Variants in MAST4 observed in about 807,000 individuals in gnomAD.
MAST4 encodes the protein microtubule associated serine/threonine kinase family member 4.
A neutral mutation model predicts 162.7 loss-of-function variants in MAST4; 89 were observed. That is an observed-to-expected ratio of 0.55 (90% CI 0.46 to 0.65). MAST4 has a LOEUF of 0.65. Among genes scored for constraint, MAST4 ranks in the 30% least tolerant of loss-of-function variants. MAST4 has a pLI of 0.00. For synonymous variants in MAST4, 1,479 were observed against 1,361.1 expected (o/e 1.09, Z -1.91); for missense variants, 3,153 against 3,374.0 (o/e 0.93, Z 1.62).
chr5:66,757,033 C>T lies in MAST4; in HGVS notation c.364-2676C>T, dbSNP rs116220087. Among the ~76,000 whole-genome samples, 1,042 of 152,142 alleles carry T rather than the reference C, an allele frequency of 6.8e-3. 14 individuals carry two copies. Among genetic ancestry groups the T allele is most frequent in the African/African-American group, 0.024 (988 of 41,512 alleles). ...GAATTAGGTTTTTTTTCTGTTTTCTCCTTGATTTCCTTCTCTTTCTTCCAC... is the reference window on the plus strand; with the variant it reads ...GAATTAGGTTTTTTTTCTGTTTTCTTCTTGATTTCCTTCTCTTTCTTCCAC... On this transcript the variant is annotated intron_variant, in intron 1 of 28. Coordinates refer to ENST00000403625, the MANE Select transcript of MAST4 (RefSeq NM_001164664.2).
At chr5:66,631,710 CAAG>C (rs890637925) in intron 1 of MAST4, among the ~76,000 whole-genome samples, 5 of 152,138 alleles carry the variant, frequency 3.3e-5, no homozygotes, top group African/African-American at 7.2e-5. Context: ...TATAACCTCA[CAAG>C]AAGAAGATTT....
intron 1 of MAST4, among the ~76,000 whole-genome samples, chr5:66,628,584 AT>A (rs201613284): frequency 2.6e-5 from 4 of 151,262 alleles, no homozygotes; most frequent in Non-Finnish European, 5.9e-5. Context: ...AATTATTATT[AT>A]TTTTTTTACC....
intron 1 of MAST4, among the ~76,000 whole-genome samples, chr5:66,724,343 C>T (rs746183468): frequency 6.6e-6 from 1 of 152,168 alleles, no homozygotes; most frequent in Admixed American, 6.5e-5. Flanking sequence ...GGTTAACTAG[C>T]ATGTCACAAA....
intron 3 of MAST4, 79 bp downstream of exon 3, chr5:66,788,873 C>T (rs1755250798): frequency 5.6e-6 from 8 of 1,425,682 alleles, no homozygotes; most frequent in Non-Finnish European, 7.4e-6. Context: ...TTGAGTTTAA[C>T]TATATTTAAA....
chr5:66,964,736 G>A (rs1301913743), intron 4 of MAST4, among the ~76,000 whole-genome samples: 1 of 152,226 alleles, frequency 6.6e-6, no homozygotes, highest in Non-Finnish European at 1.5e-5. Context: ...TCGGGAGGCG[G>A]AGCTTGCAGT....
intron 2 of MAST4, among the ~76,000 whole-genome samples, chr5:66,772,960 CTTTA>C (rs1754426424): frequency 6.6e-6 from 1 of 152,176 alleles, no homozygotes; most frequent in Non-Finnish European, 1.5e-5. Flanking sequence ...CACACACATG[CTTTA>C]TTTGTTGCTC....
chr5:66,601,787 C>T lies in MAST4; in HGVS notation c.363+4769C>T, dbSNP rs567906145. Reference sequence around the variant, plus strand: ...ACTTTATTCTAGAGGCAATGGGAGCCATTGAAGGATTTGAAGCAAAGAAGT... The same window carrying T: ...ACTTTATTCTAGAGGCAATGGGAGCTATTGAAGGATTTGAAGCAAAGAAGT... On this transcript the variant is annotated intron_variant, in intron 1 of 28. Transcript: ENST00000403625. Among the ~76,000 whole-genome samples the T allele has an allele frequency of 5.4e-4, 82 of 152,252 alleles. 1 individual carries two copies. Among genetic ancestry groups the T allele is most frequent in the Non-Finnish European group, 5.9e-5 (4 of 68,012 alleles).
chr5:66,932,944 G>C (rs1174495466), intron 4 of MAST4, among the ~76,000 whole-genome samples: 1 of 151,926 alleles, frequency 6.6e-6, no homozygotes, highest in Non-Finnish European at 1.5e-5. Flanking sequence ...GTGGTTCTTT[G>C]GCATCTAGTA....
intron 4 of MAST4, among the ~76,000 whole-genome samples, chr5:66,951,390 ATCT>A (rs1332346337): frequency 2.6e-5 from 4 of 152,076 alleles, no homozygotes; most frequent in South Asian, 2.1e-4. Flanking sequence ...CTTTTGTCAC[ATCT>A]TCTTCTCTGT....
chr5:66,620,047 CTT>C (rs200969306), intron 1 of MAST4, among the ~76,000 whole-genome samples: 20,191 of 133,614 alleles, frequency 0.15, 1,415 homozygotes, highest in Middle Eastern at 0.2. Flanking sequence ...ACTTAGGTTG[CTT>C]TTTTTTTTTT....
intron 4 of MAST4, among the ~76,000 whole-genome samples, chr5:67,035,246 G>A (rs941177474): frequency 1.3e-5 from 2 of 152,102 alleles, no homozygotes; most frequent in African/African-American, 4.8e-5. Flanking sequence ...ACAGCCATTG[G>A]ATTGTAATTT....
rs552612000 is a variant in MAST4, at chr5:66,642,750, G to C, written c.363+45732G>C. Reference sequence around the variant, plus strand: ...ACACACTGAGAATACTCAGCTCTGAGACTATTCAAACAAAATTGGTGGCTG... The same window carrying C: ...ACACACTGAGAATACTCAGCTCTGACACTATTCAAACAAAATTGGTGGCTG... On this transcript the variant is annotated intron_variant, in intron 1 of 28. Transcript: ENST00000403625. Among the ~76,000 whole-genome samples, 79 of 152,282 alleles carry C rather than the reference G, an allele frequency of 5.2e-4. No homozygotes were observed. The South Asian group carries it at 0.015, about 30-fold the overall frequency.
chr5:66,990,228 C>T (rs1427261739), intron 4 of MAST4, among the ~76,000 whole-genome samples: 1 of 152,180 alleles, frequency 6.6e-6, no homozygotes, highest in Non-Finnish European at 1.5e-5. Flanking sequence ...ATCCTAGCAA[C>T]AGTCCTATGA....
chr5:66,658,806 T>A (rs1746714349), intron 1 of MAST4, among the ~76,000 whole-genome samples: 1 of 152,080 alleles, frequency 6.6e-6, no homozygotes, highest in Non-Finnish European at 1.5e-5. Context: ...AGGATCACTT[T>A]AGCCCAGGAG....
chr5:66,825,441 G>A (rs1207597287), intron 3 of MAST4, among the ~76,000 whole-genome samples: 1 of 152,144 alleles, frequency 6.6e-6, no homozygotes, highest in Non-Finnish European at 1.5e-5. Context: ...ATGTCAGTAT[G>A]TAGCACATGA....
At chr5:67,030,983 G>A (rs1239577529) in intron 4 of MAST4, among the ~76,000 whole-genome samples, 1 of 152,162 alleles carries the variant, frequency 6.6e-6, no homozygotes, top group Non-Finnish European at 1.5e-5. Context: ...TGTTTAAAGT[G>A]TGGATAATGC....
chr5:66,735,764 T>C (rs1243620116), intron 1 of MAST4, among the ~76,000 whole-genome samples: 1 of 152,364 alleles, frequency 6.6e-6, no homozygotes, highest in Middle Eastern at 3.4e-3. Context: ...TTCTTGACTG[T>C]AGGAGCTAGG....
chr5:66,596,581 C>T lies in MAST4; in HGVS notation c.-75C>T. On this transcript the variant is annotated 5_prime_UTR_variant, in exon 1 of 29. Transcript: ENST00000403625. ...GCCAGTGAGCCTGAGCCCAGGAGCC[C>T]GCGTCTTCCCCGGGAGGCGCTGAGT... 7.4e-7 allele frequency: 1 copy of T among 1,345,600 alleles called. No homozygotes were observed. Among genetic ancestry groups the T allele is most frequent in the Non-Finnish European group, 9.5e-7 (1 of 1,052,192 alleles). The allele number at this position is 1,345,600 out of a possible 1,614,324, so 83.4% of individuals were successfully genotyped here.
intron 4 of MAST4, among the ~76,000 whole-genome samples, chr5:67,020,237 T>C (rs1753805951): frequency 1.3e-5 from 2 of 152,190 alleles, no homozygotes; most frequent in Non-Finnish European, 2.9e-5. Context: ...CACATCCTCT[T>C]TTAAAGTAGT....
Sources: allele counts gnomAD v4.1 joint callset (sites outside exome capture counted in the v4.1 genomes callset), GRCh38; gene constraint gnomAD v4.1.1; transcripts MANE v1.5; gene names NCBI Gene and HGNC (gene_info 2026-07-23, HGNC 2026-07-21).